Variants in GP1BB observed in about 807,000 individuals in gnomAD.
GP1BB encodes glycoprotein Ib platelet subunit beta.
GP1BB carries 3 observed loss-of-function variants against 2.5 expected under a neutral mutation model. The ratio of observed to expected loss-of-function variants is 1.22; its 90% CI spans 0.56 to 3.15. GP1BB has a LOEUF of 3.15. GP1BB is among the 30% of genes most tolerant of loss of function. GP1BB has a pLI of 0.03. For missense variants in GP1BB, 316 were observed against 307.0 expected (o/e 1.03, Z -0.22); for synonymous variants, 191 against 167.5 (o/e 1.14, Z -1.08).
At position 19,724,452 on chromosome 22, in the gene GP1BB, C is replaced by G; in HGVS notation, c.609C>G (p.Thr203=). The G allele has an allele frequency of 6.5e-7, 1 of 1,542,876 alleles. No individual in the cohort carries two copies. The highest frequency in any genetic ancestry group is 2.3e-4 in the Middle Eastern group (1 of 4,348). Residue 203 remains threonine, a synonymous_variant, in exon 2 of 2, where the codon ACC becomes ACG. Coordinates refer to ENST00000366425, the MANE Select transcript of GP1BB (RefSeq NM_000407.5). Reference sequence around the variant, plus strand: ...CGCTGGTGGCCGAGCGAGCCGGAACCGACGAGTCCTGAGGAGAGAACCGGT... The same window carrying G: ...CGCTGGTGGCCGAGCGAGCCGGAACGGACGAGTCCTGAGGAGAGAACCGGT... The part of the protein sequence containing the change: ...TDPLVAERAG[T]DES
Position 19,724,437 on chromosome 22 carries a change from C to T in GP1BB, c.594C>T (p.Ala198=). 1 of 1,544,760 alleles carries T rather than the reference C, an allele frequency of 6.5e-7. No homozygotes were observed. Among genetic ancestry groups the T allele is most frequent in the Non-Finnish European group, 8.7e-7 (1 of 1,144,588 alleles). ...TGTCGCTGACCGACCCGCTGGTGGC[C>T]GAGCGAGCCGGAACCGACGAGTCCT... ...ARLSLTDPLV[A]ERAGTDES is the part of the protein sequence containing the mutation. The change falls in exon 2 of 2, where the codon GCC becomes GCT. Residue 198 remains alanine, a synonymous_variant. Transcript: ENST00000366425.
Position 19,724,698 on chromosome 22 carries a change from G to C in GP1BB, c.*234G>C, listed in dbSNP as rs1311059675. The stretch of plus-strand genomic sequence containing the variant: ...GCACTTCCAGGCTTGGGAGGACCAT[G>C]GGGCACAATGCGGTCCAGACCCTGC... On this transcript the variant is annotated 3_prime_UTR_variant, in exon 2 of 2. Coordinates refer to ENST00000366425, the MANE Select transcript of GP1BB (RefSeq NM_000407.5). The C allele has an allele frequency of 5.2e-6, 3 of 580,966 alleles. No individual in the cohort carries two copies. Among genetic ancestry groups the C allele is most frequent in the Non-Finnish European group, 9.4e-6 (3 of 320,540 alleles). The allele number at this position is 580,966 out of a possible 1,614,324, so 36.0% of individuals were successfully genotyped here. A position where few individuals can be genotyped will look rare whatever the true frequency, so the allele number is the denominator to read the frequency against.
At chr22:19,723,605 C>T in intron 1 of GP1BB, 26 bp downstream of exon 1, 6 of 1,593,140 alleles carry the variant, frequency 3.8e-6, no homozygotes, top group Non-Finnish European at 5.1e-6. Flanking sequence ...GGTCGGGCCC[C>T]CGGCTGCTCC....
Position 19,723,951 on chromosome 22 carries a change from C to T in GP1BB, c.108C>T (p.Leu36=), listed in dbSNP as rs1363507216. The change falls in exon 2 of 2, where the codon CTC becomes CTT. Residue 36 remains leucine (L), a synonymous_variant. Coordinates refer to ENST00000366425, the MANE Select transcript of GP1BB (RefSeq NM_000407.5). ...CGCCCTGTAGCTGCGCGGGGACGCTCGTGGACTGCGGGCGCCGCGGGCTGA... is the reference window on the plus strand; with the variant it reads ...CGCCCTGTAGCTGCGCGGGGACGCTTGTGGACTGCGGGCGCCGCGGGCTGA... ...CPAPCSCAGT[L]VDCGRRGLTW... is the part of the protein sequence containing the mutation. 5 of 1,523,262 alleles carry T rather than the reference C, an allele frequency of 3.3e-6. No homozygotes were observed. The highest frequency in any genetic ancestry group is 3.5e-6 in the Non-Finnish European group (4 of 1,142,246). The allele number at this position is 1,523,262 out of a possible 1,614,324, so 94.4% of individuals were successfully genotyped here. A position where few individuals can be genotyped will look rare whatever the true frequency, so the allele number is the denominator to read the frequency against.
Position 19,724,028 on chromosome 22 carries a change from T to A in GP1BB, c.185T>A (p.Leu62Gln). 2 of 1,530,950 alleles carry A rather than the reference T, an allele frequency of 1.3e-6. No individual in the cohort carries two copies. The highest frequency in any genetic ancestry group is 2.5e-5 in the East Asian group (1 of 39,324). 94.8% of individuals were successfully genotyped at this position (1,530,950 alleles called of 1,614,324 possible). The stretch of plus-strand genomic sequence containing the variant: ...CCTGTCGACACAACCGAGCTGGTGC[T>A]GACCGGCAACAACCTGACGGCGCTG... ...AFPVDTTELV[L>Q]TGNNLTALPP... is the part of the protein sequence containing the mutation. The change falls in exon 2 of 2, where the codon CTG becomes CAG. Residue 62 changes from leucine to glutamine, a missense_variant. By Grantham distance (113) the Leu-to-Gln change is moderately radical. Transcript: ENST00000366425.
chr22:19,723,786 C>T (rs1227556527), intron 1 of GP1BB, 68 bp from the exon 2 acceptor site: 14 of 1,435,596 alleles, frequency 9.8e-6, no homozygotes, highest in Non-Finnish European at 1.3e-5. Context: ...GGCCGGCAGT[C>T]TGGGTACTCA....
Position 19,724,227 on chromosome 22 carries a change from G to C in GP1BB, c.384G>C (p.Leu128=), listed in dbSNP as rs1343359435. 1 of 1,230,504 alleles carries C rather than the reference G, an allele frequency of 8.1e-7. No homozygotes were observed. The highest frequency in any genetic ancestry group is 1.0e-6 in the Non-Finnish European group (1 of 990,326). 76.2% of individuals were successfully genotyped at this position (1,230,504 alleles called of 1,614,324 possible). ...CVAPPALRGR[L]LPYLAEDELR... ...CGCCCCCAGCGCTGCGCGGCCGCCTGCTGCCCTATCTGGCCGAGGACGAGC... is the reference window on the plus strand; with the variant it reads ...CGCCCCCAGCGCTGCGCGGCCGCCTCCTGCCCTATCTGGCCGAGGACGAGC... Residue 128 remains leucine, a synonymous_variant, in exon 2 of 2, where the codon CTG becomes CTC. Coordinates refer to ENST00000366425, the MANE Select transcript of GP1BB (RefSeq NM_000407.5).
In GP1BB at chr22:19,724,574, GCCT is replaced by G; in HGVS notation, c.*116_*118del. ...CTCGCGCCAACCTGGACCGGTCCCC[GCCT>G]CCTCCGCTGCCCAATCTCTCAGACC... On this transcript the variant is annotated 3_prime_UTR_variant, in exon 2 of 2. Transcript: ENST00000366425. The G allele has an allele frequency of 2.6e-6, 2 of 768,636 alleles. No homozygotes were observed. The highest frequency in any genetic ancestry group is 4.1e-5 in the Admixed American group (2 of 49,154). The allele number at this position is 768,636 out of a possible 1,614,324, so 47.6% of individuals were successfully genotyped here.
chr22:19,724,155 G>A lies in GP1BB; in HGVS notation c.312G>A (p.Leu104=). 7.6e-7 allele frequency: 1 copy of A among 1,319,830 alleles called. No individual in the cohort carries two copies. Among genetic ancestry groups the A allele is most frequent in the South Asian group, 2.0e-5 (1 of 48,870 alleles). The allele number at this position is 1,319,830 out of a possible 1,614,324, so 81.8% of individuals were successfully genotyped here. A position where few individuals can be genotyped will look rare whatever the true frequency, so the allele number is the denominator to read the frequency against. Residue 104 remains leucine (L), a synonymous_variant, in exon 2 of 2, where the codon CTG becomes CTA. Transcript: ENST00000366425. ...GCCTTGTGCCGCTGCGCGCCTGGCT[G>A]GCCGGCCGCCCCGAGCGTGCGCCCT... The part of the protein sequence containing the change: ...DCRLVPLRAW[L]AGRPERAPYR...
In GP1BB at chr22:19,723,987, G is replaced by A. The variant is rs762805097; in HGVS notation, c.144G>A (p.Ser48=). ...GGCGCCGCGGGCTGACTTGGGCCTCGCTGCCGACCGCCTTCCCTGTCGACA... is the reference window on the plus strand; with the variant it reads ...GGCGCCGCGGGCTGACTTGGGCCTCACTGCCGACCGCCTTCCCTGTCGACA... ...DCGRRGLTWA[S]LPTAFPVDTT... The change falls in exon 2 of 2, where the codon TCG becomes TCA. Residue 48 remains serine (S), a synonymous_variant. Coordinates refer to ENST00000366425, the MANE Select transcript of GP1BB (RefSeq NM_000407.5). 1.3e-6 allele frequency: 2 copies of A among 1,533,386 alleles called. No homozygotes were observed. Among genetic ancestry groups the A allele is most frequent in the East Asian group, 2.5e-5 (1 of 39,646 alleles). 95.0% of individuals were successfully genotyped at this position (1,533,386 alleles called of 1,614,324 possible).
chr22:19,723,942 G>A lies in GP1BB; in HGVS notation c.99G>A (p.Ala33=). 2.0e-6 allele frequency: 3 copies of A among 1,525,254 alleles called. No homozygotes were observed. Among genetic ancestry groups the A allele is most frequent in the African/African-American group, 1.4e-5 (1 of 71,086 alleles). 94.5% of individuals were successfully genotyped at this position (1,525,254 alleles called of 1,614,324 possible). Residue 33 remains alanine, a synonymous_variant, in exon 2 of 2, where the codon GCG becomes GCA. Coordinates refer to ENST00000366425, the MANE Select transcript of GP1BB (RefSeq NM_000407.5). ...AAGCPAPCSC[A]GTLVDCGRRG... The stretch of plus-strand genomic sequence containing the variant: ...GTTGCCCGGCGCCCTGTAGCTGCGC[G>A]GGGACGCTCGTGGACTGCGGGCGCC...
Position 19,724,032 on chromosome 22 carries a change from C to T in GP1BB, c.189C>T (p.Thr63=), listed in dbSNP as rs760357223. ...FPVDTTELVL[T]GNNLTALPPG... ...TCGACACAACCGAGCTGGTGCTGAC[C>T]GGCAACAACCTGACGGCGCTGCCGC... Residue 63 remains threonine (T), a synonymous_variant, in exon 2 of 2, where the codon ACC becomes ACT. Coordinates refer to ENST00000366425, the MANE Select transcript of GP1BB (RefSeq NM_000407.5). 12 of 1,526,342 alleles carry T rather than the reference C, an allele frequency of 7.9e-6. No homozygotes were observed. The South Asian group carries it at 1.1e-4, about 14-fold the overall frequency. The allele number at this position is 1,526,342 out of a possible 1,614,324, so 94.5% of individuals were successfully genotyped here.
rs1453172597 is a variant in GP1BB, at chr22:19,724,123, G to A, written c.280G>A (p.Asp94Asn). 2.1e-6 allele frequency: 3 copies of A among 1,432,786 alleles called. No homozygotes were observed. The highest frequency in any genetic ancestry group is 2.7e-6 in the Non-Finnish European group (3 of 1,094,500). The allele number at this position is 1,432,786 out of a possible 1,614,324, so 88.8% of individuals were successfully genotyped here. ...CCTGGGCGCCAACCCCTGGCGCTGC[G>A]ACTGCCGCCTTGTGCCGCTGCGCGC... is the stretch of plus-strand genomic sequence containing the variant. ...AHLGANPWRC[D>N]CRLVPLRAWL... The change falls in exon 2 of 2, where the codon GAC becomes AAC. Residue 94 changes from aspartate (D) to asparagine (N), a missense_variant. Transcript: ENST00000366425.
chr22:19,724,551 C>T lies in GP1BB; in HGVS notation c.*87C>T, dbSNP rs1002664845. ...GACAGGACCCTGCCCGAGGGGCCCT[C>T]GCGCCAACCTGGACCGGTCCCCGCC... On this transcript the variant is annotated 3_prime_UTR_variant, in exon 2 of 2. Coordinates refer to ENST00000366425, the MANE Select transcript of GP1BB (RefSeq NM_000407.5). 3.7e-5 allele frequency: 35 copies of T among 957,920 alleles called. No individual in the cohort carries two copies. Among genetic ancestry groups the T allele is most frequent in the Non-Finnish European group, 5.7e-5 (35 of 612,218 alleles). The allele number at this position is 957,920 out of a possible 1,614,324, so 59.3% of individuals were successfully genotyped here.
In GP1BB at chr22:19,724,311, G is replaced by A. The variant is rs918532079; in HGVS notation, c.468G>A (p.Ala156=). Residue 156 remains alanine (A), a synonymous_variant, in exon 2 of 2, where the codon GCG becomes GCA. Coordinates refer to ENST00000366425, the MANE Select transcript of GP1BB (RefSeq NM_000407.5). ...GGGGGGCGCTGGCGGCGCAGCTTGC[G>A]CTGCTGGGCCTTGGGCTGCTGCACG... ...LCWGALAAQL[A]LLGLGLLHAL... is the part of the protein sequence containing the mutation. 2 of 1,339,228 alleles carry A rather than the reference G, an allele frequency of 1.5e-6. No individual in the cohort carries two copies. The highest frequency in any genetic ancestry group is 2.0e-5 in the South Asian group (1 of 49,928). The allele number at this position is 1,339,228 out of a possible 1,614,324, so 83.0% of individuals were successfully genotyped here.
Position 19,724,172 on chromosome 22 carries a change from G to C in GP1BB, c.329G>C (p.Arg110Pro), listed in dbSNP as rs1010810536. 4.7e-6 allele frequency: 6 copies of C among 1,283,768 alleles called. No individual in the cohort carries two copies. Among genetic ancestry groups the C allele is most frequent in the Non-Finnish European group, 5.9e-6 (6 of 1,018,606 alleles). 79.5% of individuals were successfully genotyped at this position (1,283,768 alleles called of 1,614,324 possible). ...LRAWLAGRPERAPYRDLRCVA... is the reference protein window; with the variant it reads ...LRAWLAGRPEPAPYRDLRCVA... ...GCCTGGCTGGCCGGCCGCCCCGAGC[G>C]TGCGCCCTACCGCGACCTGCGTTGC... Residue 110 changes from arginine to proline, a missense_variant, in exon 2 of 2, where the codon CGT becomes CCT. Arg to Pro is a moderately radical substitution (Grantham distance 103). Transcript: ENST00000366425.
In GP1BB at chr22:19,724,087, C is replaced by A; in HGVS notation, c.244C>A (p.Arg82Ser). ...GCTGCTGGACGCGCTGCCCGCGCTGCGCACCGCACACCTGGGCGCCAACCC... is the reference window on the plus strand; with the variant it reads ...GCTGCTGGACGCGCTGCCCGCGCTGAGCACCGCACACCTGGGCGCCAACCC... Reference protein sequence around the residue: ...PGLLDALPALRTAHLGANPWR... With the variant: ...PGLLDALPALSTAHLGANPWR... Residue 82 changes from arginine to serine, a missense_variant, in exon 2 of 2, where the codon CGC (arginine) becomes AGC (serine). Coordinates refer to ENST00000366425, the MANE Select transcript of GP1BB (RefSeq NM_000407.5). 6.7e-7 allele frequency: 1 copy of A among 1,493,898 alleles called. No homozygotes were observed. The highest frequency in any genetic ancestry group is 8.9e-7 in the Non-Finnish European group (1 of 1,127,110). 92.5% of individuals were successfully genotyped at this position (1,493,898 alleles called of 1,614,324 possible).
chr22:19,724,400 C>T lies in GP1BB; in HGVS notation c.557C>T (p.Ala186Val), dbSNP rs1459455056. ...CTGCGGGCCCGGGCCCGCGCTCGCG[C>T]CGCAGCCCGGCTGTCGCTGACCGAC... ...RRLRARARAR[A>V]AARLSLTDPL... Residue 186 changes from alanine to valine, a missense_variant, in exon 2 of 2, where the codon GCC becomes GTC. Physicochemically the swap from Ala to Val is moderately conservative, Grantham distance 64. Coordinates refer to ENST00000366425, the MANE Select transcript of GP1BB (RefSeq NM_000407.5). The T allele has an allele frequency of 3.9e-6, 6 of 1,538,766 alleles. No homozygotes were observed. Among genetic ancestry groups the T allele is most frequent in the South Asian group, 1.2e-5 (1 of 83,434 alleles).
Position 19,723,850 on chromosome 22 carries a change from G to T in GP1BB, c.11-4G>T. On this transcript the variant is annotated splice_polypyrimidine_tract_variant and splice_region_variant and intron_variant, in intron 1 of 1. Coordinates refer to ENST00000366425, the MANE Select transcript of GP1BB (RefSeq NM_000407.5). ...CTCGGCTTACTGCGGCGCTTCCCTT[G>T]CAGGGCCGCGCGGGGCGCTGAGCTT... 6.6e-7 allele frequency: 1 copy of T among 1,523,298 alleles called. No homozygotes were observed. The highest frequency in any genetic ancestry group is 1.2e-5 in the South Asian group (1 of 82,352). 94.4% of individuals were successfully genotyped at this position (1,523,298 alleles called of 1,614,324 possible).
Sources: gnomAD v4.1 joint callset for allele counts on GRCh38, gnomAD v4.1.1 for gene constraint, MANE v1.5 for transcripts, NCBI Gene and HGNC (gene_info 2026-07-23, HGNC 2026-07-21) for gene names.